The following IQGAP1 variants were observed in gnomAD, a reference collection of about 807,000 sequenced individuals.
The protein encoded by IQGAP1 is IQ motif containing GTPase activating protein 1.
Under a neutral mutation model 215.6 loss-of-function variants are expected in IQGAP1, and 66 were observed. The ratio of observed to expected loss-of-function variants is 0.31; its 90% CI spans 0.25 to 0.38. The LOEUF (loss-of-function observed/expected upper bound fraction) is 0.38. Among genes scored for constraint, IQGAP1 ranks in the 10% least tolerant of loss-of-function variants. The probability of loss-of-function intolerance (pLI) is 1.00; values close to 1 mark genes in which losing one functional copy is unlikely to be tolerated. For missense variants in IQGAP1, 1,712 were observed against 1,997.1 expected, an observed-to-expected ratio of 0.86 and a Z score of 2.72; for synonymous variants, 772 against 728.7, an observed-to-expected ratio of 1.06 and a Z score of -0.96.
chr15:90,443,414 AAG>A lies in IQGAP1; in HGVS notation c.853_854del (p.Asp285CysfsTer3), dbSNP rs1965480440. 1 of 1,613,030 alleles carries A rather than the reference AAG, an allele frequency of 6.2e-7. No individual in the cohort carries two copies. Among genetic ancestry groups the A allele is most frequent in the Non-Finnish European group, 8.5e-7 (1 of 1,179,046 alleles). ...KNRTENSERE[R>X]DVYEELLTQA... ...CTCAGACAGAAAACTCAGAGAGAGA[AAG>A]AGATGTTTATGAGGAGCTGCTCACG... On this transcript the variant is annotated frameshift_variant, in exon 9 of 38. Coordinates refer to ENST00000268182, the MANE Select transcript of IQGAP1 (RefSeq NM_003870.4). LOFTEE classifies it high-confidence loss of function.
At position 90,466,428 on chromosome 15, in the gene IQGAP1, T is replaced by G. The variant is rs773327453; in HGVS notation, c.2027T>G (p.Leu676Arg). 1 of 1,614,026 alleles carries G rather than the reference T, an allele frequency of 6.2e-7. No homozygotes were observed. The highest frequency in any genetic ancestry group is 2.2e-5 in the East Asian group (1 of 44,876). The part of the protein sequence containing the change: ...SDLAEAKKKK[L>R]AVGDNNSKWV... The stretch of plus-strand genomic sequence containing the variant: ...CTTGCTGAAGCCAAGAAGAAAAAAC[T>G]GGCAGTAGGTGAGTTCTGGGATAAT... Residue 676 changes from leucine (L) to arginine (R), a missense_variant, in exon 17 of 38, where the codon CTG becomes CGG. Leu to Arg is a moderately radical substitution (Grantham distance 102). This residue lies in a region of IQGAP1 where 1,021 missense variants were observed against 1,074.2 expected (regional missense o/e 0.95). Coordinates refer to ENST00000268182, the MANE Select transcript of IQGAP1 (RefSeq NM_003870.4).
intron 2 of IQGAP1, among the ~76,000 whole-genome samples, chr15:90,409,457 C>T (rs1034632477): frequency 6.6e-6 from 1 of 152,110 alleles, no homozygotes; most frequent in South Asian, 2.1e-4. Context: ...AGGCTGGTCT[C>T]GAACTCCTGA....
intron 15 of IQGAP1, among the ~76,000 whole-genome samples, chr15:90,464,183 A>C (rs1404214786): frequency 4.6e-5 from 7 of 152,200 alleles, no homozygotes; most frequent in Admixed American, 4.6e-4. Flanking sequence ...CCTCAGGAGT[A>C]TGTTAATTTT....
At chr15:90,435,779 T>C (rs1965362515) in intron 5 of IQGAP1, among the ~76,000 whole-genome samples, 1 of 152,194 alleles carries the variant, frequency 6.6e-6, no homozygotes, top group African/African-American at 2.4e-5. Context: ...TGCTATTGTT[T>C]TCCATTTCTC....
chr15:90,433,165 C>G (rs562012183), intron 4 of IQGAP1, among the ~76,000 whole-genome samples: 12 of 152,344 alleles, frequency 7.9e-5, no homozygotes, highest in Admixed American at 3.3e-4. Context: ...ATGCTCTATT[C>G]TAGCTACTTC....
chr15:90,493,254 C>A (rs1382590450), intron 35 of IQGAP1, among the ~76,000 whole-genome samples: 4 of 145,078 alleles, frequency 2.8e-5, no homozygotes, highest in Non-Finnish European at 6.0e-5. Flanking sequence ...AAAAAAAAAT[C>A]TTCTTGGCCT....
intron 2 of IQGAP1, among the ~76,000 whole-genome samples, chr15:90,424,235 C>G (rs924671473): frequency 2.0e-5 from 3 of 152,048 alleles, no homozygotes; most frequent in African/African-American, 7.3e-5. Flanking sequence ...TTTTCCGTAC[C>G]GACAACTGCC....
chr15:90,411,612 T>C (rs1358470122), intron 2 of IQGAP1, among the ~76,000 whole-genome samples: 1 of 152,202 alleles, frequency 6.6e-6, no homozygotes, highest in Non-Finnish European at 1.5e-5. Context: ...TTACCTGTTG[T>C]TTTCTTCTCA....
Position 90,466,381 on chromosome 15 carries a change from T to A in IQGAP1, c.1980T>A (p.Cys660Ter). ...DVGLYGVIPE[C>*]GETYHSDLAE... ...GCTTGTATGGAGTCATCCCTGAGTG[T>A]GGTGAAACTTACCACAGTGATCTTG... Residue 660 changes from cysteine (C) to a stop codon, truncating the protein, a stop_gained, in exon 17 of 38, where the codon TGT (cysteine) becomes TGA (stop). Transcript: ENST00000268182. LOFTEE classifies it high-confidence loss of function. The A allele has an allele frequency of 1.2e-6, 2 of 1,614,158 alleles. No individual in the cohort carries two copies.
At chr15:90,395,947 C>T (rs985784493) in intron 2 of IQGAP1, among the ~76,000 whole-genome samples, 5 of 152,124 alleles carry the variant, frequency 3.3e-5, no homozygotes. Flanking sequence ...CATGGGCCAC[C>T]TTTCTGCTGC....
intron 2 of IQGAP1, among the ~76,000 whole-genome samples, chr15:90,424,434 TATC>T (rs1349961477): frequency 1.3e-5 from 2 of 152,192 alleles, no homozygotes; most frequent in Admixed American, 6.5e-5. Flanking sequence ...CAGAGAAGCT[TATC>T]ATCGAGTATA....
Position 90,456,311 on chromosome 15 carries a change from C to T in IQGAP1, c.1772C>T (p.Ala591Val). 6.2e-7 allele frequency: 1 copy of T among 1,613,760 alleles called. No individual in the cohort carries two copies. Among genetic ancestry groups the T allele is most frequent in the Non-Finnish European group, 8.5e-7 (1 of 1,179,808 alleles). ...DTLIRAKREK[A>V]QEIQDESAVL... ...CTGATTAGAGCGAAGAGAGAGAAAG[C>T]CCAGGTGAGTGGCATCGGAATTGTT... Residue 591 changes from alanine (A) to valine (V), a missense_variant, in exon 15 of 38, where the codon GCC (alanine) becomes GTC (valine). This residue lies in a region of IQGAP1 where 1,021 missense variants were observed against 1,074.2 expected (regional missense o/e 0.95). Coordinates refer to ENST00000268182, the MANE Select transcript of IQGAP1 (RefSeq NM_003870.4).
chr15:90,461,294 C>T (rs902408881), intron 15 of IQGAP1, among the ~76,000 whole-genome samples: 4 of 146,286 alleles, frequency 2.7e-5, no homozygotes, highest in Middle Eastern at 3.6e-3. Context: ...AGTGAAACTC[C>T]GTCTCAAAAA....
intron 11 of IQGAP1, among the ~76,000 whole-genome samples, chr15:90,450,131 T>C (rs1368877613): frequency 1.3e-5 from 2 of 152,068 alleles, no homozygotes; most frequent in African/African-American, 4.8e-5. Context: ...AGCCAACCTC[T>C]CTATGTCCTC....
intron 2 of IQGAP1, among the ~76,000 whole-genome samples, chr15:90,398,466 G>C (rs538143257): frequency 6.6e-6 from 1 of 152,216 alleles, no homozygotes; most frequent in Admixed American, 6.5e-5. Flanking sequence ...AAGGGATTAA[G>C]TAAAAGGAAA....
At chr15:90,432,490 T>C (rs1965316422) in intron 4 of IQGAP1, among the ~76,000 whole-genome samples, 2 of 152,204 alleles carry the variant, frequency 1.3e-5, no homozygotes, top group Admixed American at 1.3e-4. Context: ...GCTACTTCTT[T>C]ATGTCCTGCT....
intron 15 of IQGAP1, among the ~76,000 whole-genome samples, chr15:90,456,864 G>A (rs2151025281): frequency 6.7e-6 from 1 of 149,648 alleles, no homozygotes; most frequent in Admixed American, 6.7e-5. Context: ...CTCCAGTCTG[G>A]GGGACAGAGT....
At chr15:90,450,328 A>G (rs1457512479) in intron 11 of IQGAP1, among the ~76,000 whole-genome samples, 1 of 90,080 alleles carries the variant, frequency 1.1e-5, no homozygotes, top group East Asian at 3.1e-4. Context: ...TGTATACACT[A>G]CCTTTTTTTT....
chr15:90,456,090 A>G, intron 14 of IQGAP1, 62 bp from the exon 15 acceptor site: 1 of 1,413,696 alleles, frequency 7.1e-7, no homozygotes, highest in Non-Finnish European at 9.8e-7. Flanking sequence ...ATGTTCCATG[A>G]TTGATTTGTT....
Sources: gnomAD v4.1 joint callset for allele counts (sites outside exome capture counted in the v4.1 genomes callset) on GRCh38, gnomAD v4.1.1 for gene constraint, gnomAD v4.1.1 regional missense constraint, MANE v1.5 for transcripts, NCBI Gene and HGNC (gene_info 2026-07-23, HGNC 2026-07-21) for gene names.